The following RFX6 variants were observed in gnomAD, a reference collection of about 807,000 sequenced individuals.
The protein encoded by RFX6 is regulatory factor X6, also known as DNA-binding protein RFX6.
In RFX6, 50 loss-of-function variants were observed where a neutral mutation model predicts 110.8. The ratio of observed to expected loss-of-function variants is 0.45; its 90% CI spans 0.36 to 0.57. The LOEUF (loss-of-function observed/expected upper bound fraction) is 0.57, where lower values mean the gene tolerates loss of function less well. Among genes scored for constraint, RFX6 ranks in the 20% least tolerant of loss-of-function variants. The probability of loss-of-function intolerance (pLI) is 0.00; values close to 1 mark genes in which losing one functional copy is unlikely to be tolerated. For missense variants in RFX6, 990 were observed against 1,127.0 expected, an observed-to-expected ratio of 0.88 and a Z score of 1.74; for synonymous variants, 383 against 411.2, an observed-to-expected ratio of 0.93 and a Z score of 0.83.
intron 17 of RFX6, among the ~76,000 whole-genome samples, chr6:116,928,067 A>G (rs1582539807): frequency 8.1e-6 from 1 of 123,988 alleles, no homozygotes; most frequent in East Asian, 2.4e-4. Context: ...GTCCTCCTAA[A>G]TACCGCATAT....
At chr6:116,885,660 T>C (rs1774685153) in intron 4 of RFX6, among the ~76,000 whole-genome samples, 1 of 152,094 alleles carries the variant, frequency 6.6e-6, no homozygotes, top group Admixed American at 6.5e-5. Flanking sequence ...CCAATATCAA[T>C]CGTATCAACA....
intron 6 of RFX6, 50 bp downstream of exon 6, chr6:116,895,257 A>T (rs1253075299): frequency 1.0e-6 from 1 of 998,894 alleles, no homozygotes; most frequent in African/African-American, 1.6e-5. Flanking sequence ...TATGTCTTAC[A>T]AGCTGAGCAA....
chr6:116,928,912 A>G lies in RFX6; in HGVS notation c.2552A>G (p.Gln851Arg). 6.2e-7 allele frequency: 1 copy of G among 1,613,898 alleles called. No homozygotes were observed. Among genetic ancestry groups the G allele is most frequent in the Non-Finnish European group, 8.5e-7 (1 of 1,179,760 alleles). Residue 851 changes from glutamine (Q) to arginine (R), a missense_variant, in exon 18 of 19, where the codon CAG (glutamine) becomes CGG (arginine). Gln to Arg is a conservative substitution (Grantham distance 43). Coordinates refer to ENST00000332958, the MANE Select transcript of RFX6 (RefSeq NM_173560.4). The part of the protein sequence containing the change: ...LNILDDSGRK[Q>R]TSSFYTDTSS... ...ATTTTAGATGACAGTGGTAGAAAAC[A>G]GACCAGCTCGTTTTACACAGACACA... is the stretch of plus-strand genomic sequence containing the variant.
chr6:116,916,963 A>C (rs529593433), intron 9 of RFX6, among the ~76,000 whole-genome samples: 2 of 152,254 alleles, frequency 1.3e-5, no homozygotes, highest in Admixed American at 6.5e-5. Context: ...GTTTGCCTAC[A>C]TTTGCTTTCT....
chr6:116,904,644 C>T (rs1163862197), intron 6 of RFX6, among the ~76,000 whole-genome samples: 3 of 152,098 alleles, frequency 2.0e-5, no homozygotes, highest in Non-Finnish European at 4.4e-5. Flanking sequence ...AAGACTGAAA[C>T]TCTCTACTCA....
Position 116,928,046 on chromosome 6 carries a change from G to C in RFX6, c.2398+507G>C, listed in dbSNP as rs1206048197. The stretch of plus-strand genomic sequence containing the variant: ...CCCAAAGGTGTGAGCCAACACCCCC[G>C]GCCTAAAGCTGTCCTCCTAAATACC... On this transcript the variant is annotated intron_variant, in intron 17 of 18. Transcript: ENST00000332958. Among the ~76,000 whole-genome samples the C allele has an allele frequency of 2.0e-5, 3 of 149,150 alleles. No homozygotes were observed. In the South Asian group the frequency reaches 6.4e-4, roughly 32 times the overall value.
chr6:116,921,927 C>T (rs1775606734), intron 12 of RFX6, 115 bp from the exon 13 acceptor site: 1 of 661,734 alleles, frequency 1.5e-6, no homozygotes, highest in Admixed American at 2.7e-5. Context: ...ATCTGTCTTT[C>T]CCTTTCATGC....
intron 12 of RFX6, 24 bp from the exon 13 acceptor site, chr6:116,922,018 C>CTTTTTTTTTTTTTTT: frequency 1.1e-6 from 1 of 883,484 alleles, no homozygotes; most frequent in Non-Finnish European, 1.8e-6. Context: ...TCTTTTCTTT[C>CTTTTTTTTTTTTTTT]TTTTTTTTTT....
chr6:116,904,379 T>C (rs1053734414), intron 6 of RFX6, among the ~76,000 whole-genome samples: 13 of 152,254 alleles, frequency 8.5e-5, no homozygotes, highest in South Asian at 8.3e-4. Flanking sequence ...GTACTTTTTA[T>C]ATCTTGTTTT....
At chr6:116,919,318 G>A (rs745950500) in intron 11 of RFX6, 22 bp downstream of exon 11, 14 of 1,603,004 alleles carry the variant, frequency 8.7e-6, no homozygotes, top group Non-Finnish European at 1.2e-5. Context: ...GCTAAGTCGA[G>A]AGCATTTGAG....
intron 15 of RFX6, 75 bp from the exon 16 acceptor site, chr6:116,925,378 T>G: frequency 8.5e-7 from 1 of 1,180,766 alleles, no homozygotes; most frequent in South Asian, 1.2e-5. Flanking sequence ...CATTTTCATT[T>G]TCTTTTTACT....
At chr6:116,882,321 G>C (rs1252251435) in intron 3 of RFX6, 46 bp from the exon 4 acceptor site, 1 of 1,429,502 alleles carries the variant, frequency 7.0e-7, no homozygotes, top group African/African-American at 1.4e-5. Context: ...GCTTGCATTA[G>C]GACCATATAC....
At chr6:116,930,706 C>T (rs1775865664) in intron 18 of RFX6, among the ~76,000 whole-genome samples, 1 of 151,992 alleles carries the variant, frequency 6.6e-6, no homozygotes, top group Non-Finnish European at 1.5e-5. Context: ...GAATGCAGAA[C>T]CGCTGAAATC....
intron 2 of RFX6, among the ~76,000 whole-genome samples, chr6:116,880,283 T>C (rs1562131185): frequency 6.6e-6 from 1 of 152,088 alleles, no homozygotes; most frequent in African/African-American, 2.4e-5. Context: ...AGACCTAATA[T>C]TTGTGATGTG....
intron 5 of RFX6, 82 bp downstream of exon 5, chr6:116,894,146 A>C (rs1044923466): frequency 3.4e-5 from 29 of 842,392 alleles, no homozygotes; most frequent in Non-Finnish European, 5.0e-5. Flanking sequence ...TGATTTCTTA[A>C]TTTTGCTTAT....
chr6:116,920,468 C>G lies in RFX6; in HGVS notation c.1327+14C>G, dbSNP rs1371687211. ...TCTACACTGAACGTAAGTCCATTCTCTTTGTTTAGAACAAGGTTTTCTAAG... is the reference window on the plus strand; with the variant it reads ...TCTACACTGAACGTAAGTCCATTCTGTTTGTTTAGAACAAGGTTTTCTAAG... On this transcript the variant is annotated intron_variant, in intron 12 of 18. Transcript: ENST00000332958. The G allele has an allele frequency of 6.2e-7, 1 of 1,610,896 alleles. No individual in the cohort carries two copies. Among genetic ancestry groups the G allele is most frequent in the South Asian group, 1.1e-5 (1 of 91,028 alleles).
intron 4 of RFX6, 39 bp downstream of exon 4, chr6:116,882,467 G>T (rs1774610259): frequency 7.1e-7 from 1 of 1,402,752 alleles, no homozygotes; most frequent in Non-Finnish European, 1.0e-6. Context: ...CTGCTCTTGT[G>T]CATGAAGATT....
chr6:116,901,662 A>C (rs1333336553), intron 6 of RFX6, among the ~76,000 whole-genome samples: 3 of 152,194 alleles, frequency 2.0e-5, no homozygotes, highest in Non-Finnish European at 4.4e-5. Context: ...TCTAAATATT[A>C]ATCAGGGAAA....
chr6:116,919,804 A>G (rs1200955291), intron 11 of RFX6, among the ~76,000 whole-genome samples: 1 of 152,208 alleles, frequency 6.6e-6, no homozygotes, highest in African/African-American at 2.4e-5. Context: ...AGTAATTCAT[A>G]AGTTAAGAAT....
Sources: allele counts gnomAD v4.1 joint callset (sites outside exome capture counted in the v4.1 genomes callset), GRCh38; gene constraint gnomAD v4.1.1; transcripts MANE v1.5; gene names NCBI Gene and HGNC (gene_info 2026-07-23, HGNC 2026-07-21).